Variants in NUP88 observed in about 807,000 individuals in gnomAD.
NUP88 encodes the protein nucleoporin 88, also known as nuclear pore complex protein Nup88.
A neutral mutation model predicts 93.9 loss-of-function variants in NUP88; 57 were observed. The observed-to-expected ratio is 0.61, with a 90% CI of 0.49 to 0.76. NUP88 has a LOEUF of 0.76. Ranked by LOEUF, NUP88 falls within the 30% of genes least tolerant of loss-of-function variation. The probability of loss-of-function intolerance (pLI) is 0.00; values close to 1 mark genes in which losing one functional copy is unlikely to be tolerated. For synonymous variants in NUP88, 346 were observed against 336.8 expected, an observed-to-expected ratio of 1.03 and a Z score of -0.30; for missense variants, 911 against 901.0, an observed-to-expected ratio of 1.01 and a Z score of -0.14.
chr17:5,412,108 G>C (rs1288177309), intron 3 of NUP88, among the ~76,000 whole-genome samples: 1 of 152,136 alleles, frequency 6.6e-6, no homozygotes, highest in Non-Finnish European at 1.5e-5. Flanking sequence ...TTTTAAAAAA[G>C]AACCTTCAAT....
rs532664685 is a variant in NUP88, at chr17:5,385,460, A to G, written c.*746T>C. On this transcript the variant is annotated 3_prime_UTR_variant, in exon 17 of 17. Transcript: ENST00000573584. ...AATTGACAGTCACTCAGCCATTTCTAAGCAGATATAGTAGTACCTTTCAGA... is the reference window on the plus strand; with the variant it reads ...AATTGACAGTCACTCAGCCATTTCTGAGCAGATATAGTAGTACCTTTCAGA... 2 of 230,550 alleles carry G rather than the reference A, an allele frequency of 8.7e-6. No homozygotes were observed. Among genetic ancestry groups the G allele is most frequent in the African/African-American group, 4.4e-5 (2 of 45,300 alleles). The allele number at this position is 230,550 out of a possible 1,614,324, so 14.3% of individuals were successfully genotyped here. A position where few individuals can be genotyped will look rare whatever the true frequency, so the allele number is the denominator to read the frequency against.
At chr17:5,416,158 A>AGTATATATAT (rs1398677145) in intron 2 of NUP88, among the ~76,000 whole-genome samples, 6,376 of 89,306 alleles carry the variant, frequency 0.071, 263 homozygotes, top group East Asian at 0.25. Flanking sequence ...AAAAAAAAAA[A>AGTATATATAT]AAAAAAAAGT....
intron 9 of NUP88, among the ~76,000 whole-genome samples, chr17:5,392,436 A>T (rs1299351963): frequency 6.6e-6 from 1 of 152,250 alleles, no homozygotes; most frequent in Non-Finnish European, 1.5e-5. Flanking sequence ...TTTAAACAGC[A>T]GTTGAAAACA....
At chr17:5,393,361 G>C (rs939382212) in intron 9 of NUP88, among the ~76,000 whole-genome samples, 1 of 151,710 alleles carries the variant, frequency 6.6e-6, no homozygotes, top group Admixed American at 6.6e-5. Context: ...CTGACAAAGT[G>C]CTGGGATTAT....
intron 3 of NUP88, 41 bp from the exon 4 acceptor site, chr17:5,410,830 G>T: frequency 7.4e-7 from 1 of 1,353,830 alleles, no homozygotes; most frequent in Non-Finnish European, 1.0e-6. Context: ...TTAAAATTCT[G>T]TTTTCATTTC....
rs1481532377 is a variant in NUP88 at position 5,416,712 on chromosome 17, G to C, written c.298-30C>G. 5.1e-6 allele frequency: 8 copies of C among 1,566,426 alleles called. No individual in the cohort carries two copies. In the East Asian group the frequency reaches 1.8e-4, roughly 36 times the overall value. On this transcript the variant is annotated intron_variant, in intron 1 of 16. Transcript: ENST00000573584. ...AAATTAGAGCAAACCAGTCAACATA[G>C]TTAATTTTAATTTAAATATAGGTGG...
chr17:5,417,477 A>G (rs1055361466), intron 1 of NUP88, among the ~76,000 whole-genome samples: 2 of 149,482 alleles, frequency 1.3e-5, no homozygotes, highest in African/African-American at 4.9e-5. Context: ...CAAAAATAAA[A>G]AATAAAATAC....
chr17:5,393,397 A>G (rs1262149050), intron 9 of NUP88, among the ~76,000 whole-genome samples: 2 of 151,248 alleles, frequency 1.3e-5, no homozygotes, highest in African/African-American at 2.4e-5. Context: ...TGCCCAGCCT[A>G]CATGGGATTT....
chr17:5,394,329 G>A (rs557142064), intron 9 of NUP88, among the ~76,000 whole-genome samples: 43 of 152,256 alleles, frequency 2.8e-4, no homozygotes, highest in African/African-American at 8.9e-4. Context: ...GGCTGCTGGC[G>A]GGACTGAAGG....
intron 1 of NUP88, among the ~76,000 whole-genome samples, chr17:5,418,398 G>T (rs1914328133): frequency 6.6e-6 from 1 of 151,828 alleles, no homozygotes; most frequent in East Asian, 2.0e-4. Context: ...GGATTACAAG[G>T]GCGCGCCACT....
intron 9 of NUP88, among the ~76,000 whole-genome samples, chr17:5,394,627 G>A (rs559476509): frequency 2.2e-4 from 34 of 152,196 alleles, no homozygotes; most frequent in African/African-American, 8.2e-4. Context: ...AGAAGGGTAG[G>A]AGTTAGCCAA....
At position 5,394,899 on chromosome 17, in the gene NUP88, C is replaced by G; in HGVS notation, c.1374G>C (p.Leu458Phe). 6.2e-7 allele frequency: 1 copy of G among 1,611,408 alleles called. No homozygotes were observed. Among genetic ancestry groups the G allele is most frequent in the Non-Finnish European group, 8.5e-7 (1 of 1,177,548 alleles). Reference protein sequence around the residue: ...FVEHILCTKPLPCRQPAPIRG... With the variant: ...FVEHILCTKPFPCRQPAPIRG... ...GGAGGGAGAGTCCTTACCTGCAGGG[C>G]AATGGCTTCGTACAAAGGATGTGTT... Residue 458 changes from leucine to phenylalanine, a missense_variant, in exon 9 of 17, where the codon TTG (leucine) becomes TTC (phenylalanine). Transcript: ENST00000573584.
chr17:5,410,100 C>G (rs1293042645), intron 4 of NUP88, among the ~76,000 whole-genome samples: 1 of 152,164 alleles, frequency 6.6e-6, no homozygotes, highest in Non-Finnish European at 1.5e-5. Flanking sequence ...TTAAACTGAT[C>G]TGATTAAACT....
intron 6 of NUP88, among the ~76,000 whole-genome samples, chr17:5,404,562 C>A (rs1913377055): frequency 6.6e-6 from 1 of 151,458 alleles, no homozygotes; most frequent in South Asian, 2.1e-4. Context: ...TGCAGTGAGC[C>A]GAGATCACAC....
chr17:5,394,326 G>A (rs1275727044), intron 9 of NUP88, among the ~76,000 whole-genome samples: 1 of 152,188 alleles, frequency 6.6e-6, no homozygotes, highest in Non-Finnish European at 1.5e-5. Flanking sequence ...AAGGGCTGCT[G>A]GCGGGACTGA....
chr17:5,386,305 T>C (rs760657754), intron 16 of NUP88, 36 bp from the exon 17 acceptor site: 12 of 1,459,310 alleles, frequency 8.2e-6, no homozygotes, highest in East Asian at 6.9e-5. Flanking sequence ...TTTGGAATTA[T>C]AATAAACCAT....
rs967561608 is a variant in NUP88 at position 5,385,091 on chromosome 17, G to A, written c.*1115C>T. The A allele has an allele frequency of 4.4e-6, 1 of 229,426 alleles. No homozygotes were observed. The highest frequency in any genetic ancestry group is 2.2e-5 in the African/African-American group (1 of 45,152). 14.2% of individuals were successfully genotyped at this position (229,426 alleles called of 1,614,324 possible). A position where few individuals can be genotyped will look rare whatever the true frequency, so the allele number is the denominator to read the frequency against. ...CTGGGTAATAAAATCATCACAATTA[G>A]GGAATGGTTAGTGGTCTCTACTGTG... On this transcript the variant is annotated 3_prime_UTR_variant, in exon 17 of 17. Transcript: ENST00000573584.
chr17:5,418,294 C>G (rs1271393742), intron 1 of NUP88: 1 of 152,142 alleles, frequency 6.6e-6, no homozygotes, highest in Non-Finnish European at 1.5e-5. Context: ...TGCTCTGTTG[C>G]CCAGGCTGTA....
intron 14 of NUP88, 134 bp from the exon 15 acceptor site, chr17:5,387,244 G>A: frequency 7.9e-7 from 1 of 1,266,584 alleles, no homozygotes. Flanking sequence ...AGAGCCTCAT[G>A]TTTTCCCCAA....
Sources: gnomAD v4.1 joint callset for allele counts (sites outside exome capture counted in the v4.1 genomes callset) on GRCh38, gnomAD v4.1.1 for gene constraint, MANE v1.5 for transcripts, NCBI Gene and HGNC (gene_info 2026-07-23, HGNC 2026-07-21) for gene names.